Variants in TENM2 observed in about 807,000 individuals in gnomAD.
The protein encoded by TENM2 is teneurin-2.
TENM2 carries 52 observed loss-of-function variants against 245.2 expected under a neutral mutation model. The observed-to-expected ratio is 0.21, with a 90% CI of 0.17 to 0.27. TENM2 has a LOEUF of 0.27. Ranked by LOEUF, TENM2 falls within the 10% of genes least tolerant of loss-of-function variation. The pLI, the probability that TENM2 is intolerant of heterozygous loss-of-function variation, is 1.00. For missense variants in TENM2, 3,046 were observed against 3,666.8 expected (o/e 0.83, Z 4.37); for synonymous variants, 1,363 against 1,438.9 (o/e 0.95, Z 1.19).
chr5:167,176,495 T>C, the TENM2 span, among the ~76,000 whole-genome samples: 2 of 152,220 alleles, frequency 1.3e-5, no homozygotes, highest in African/African-American at 4.8e-5. Context: ...TTTGCAATTG[T>C]GATCTTATTT....
At chr5:167,098,186 A>G in the TENM2 span, among the ~76,000 whole-genome samples, 1 of 152,248 alleles carries the variant, frequency 6.6e-6, no homozygotes, top group African/African-American at 2.4e-5. Context: ...AGCAAGAATC[A>G]TGATAAATAA....
chr5:167,046,136 G>A, the TENM2 span, among the ~76,000 whole-genome samples: 1 of 151,460 alleles, frequency 6.6e-6, no homozygotes, highest in African/African-American at 2.4e-5. Flanking sequence ...GAACTCACGG[G>A]AAAAAAAAGG....
chr5:167,678,706 C>G (rs1181044124), intron 2 of TENM2, among the ~76,000 whole-genome samples: 7 of 152,108 alleles, frequency 4.6e-5, no homozygotes, highest in Middle Eastern at 6.8e-3. Flanking sequence ...ACCCTTGGTG[C>G]CAATCAGGCC....
chr5:167,853,097 T>C (rs1162292830), intron 2 of TENM2, among the ~76,000 whole-genome samples: 1 of 151,292 alleles, frequency 6.6e-6, no homozygotes, highest in Non-Finnish European at 1.5e-5. Flanking sequence ...CCATCCTGGC[T>C]AACACGGTGA....
intron 2 of TENM2, among the ~76,000 whole-genome samples, chr5:167,583,135 C>A (rs1226109816): frequency 6.6e-6 from 1 of 152,128 alleles, no homozygotes; most frequent in Non-Finnish European, 1.5e-5. Flanking sequence ...TCTTACACAC[C>A]ATTTTATGCA....
intron 2 of TENM2, among the ~76,000 whole-genome samples, chr5:167,559,198 C>A (rs1241659380): frequency 6.6e-6 from 1 of 152,214 alleles, no homozygotes; most frequent in African/African-American, 2.4e-5. Context: ...GTTGGTTGCA[C>A]TTCTCAGCGT....
At chr5:168,260,493 C>A in intron 28 of TENM2, 80 bp downstream of exon 30, 1 of 1,523,824 alleles carries the variant, frequency 6.6e-7, no homozygotes, top group South Asian at 1.2e-5. Flanking sequence ...GAGCCAGGGG[C>A]ATGTCAGCGC....
intron 2 of TENM2, among the ~76,000 whole-genome samples, chr5:167,481,524 A>G (rs972227881): frequency 3.4e-4 from 52 of 152,208 alleles, no homozygotes; most frequent in African/African-American, 1.2e-3. Flanking sequence ...CTGTAGCTGC[A>G]ACAGAGACCA....
chr5:167,098,835 G>A, the TENM2 span, among the ~76,000 whole-genome samples: 6 of 152,130 alleles, frequency 3.9e-5, no homozygotes, highest in African/African-American at 1.4e-4. Context: ...TATCAGCCTC[G>A]TGCATCAACT....
chr5:167,827,323 A>G (rs750423259), intron 2 of TENM2, among the ~76,000 whole-genome samples: 26 of 152,266 alleles, frequency 1.7e-4, no homozygotes, highest in Non-Finnish European at 1.3e-4. Context: ...GGGGGCAAGG[A>G]ACAATTATTG....
intron 2 of TENM2, among the ~76,000 whole-genome samples, chr5:167,674,354 A>T (rs1191136328): frequency 6.6e-6 from 1 of 152,058 alleles, no homozygotes; most frequent in African/African-American, 2.4e-5. Context: ...TTTATTCTTT[A>T]GGTGCTCACC....
At chr5:167,237,157 C>T in the TENM2 span, among the ~76,000 whole-genome samples, 283 of 152,196 alleles carry the variant, frequency 1.9e-3, no homozygotes, top group Middle Eastern at 3.4e-3. Context: ...AATTTTGATC[C>T]GCGCACCTGT....
At chr5:167,751,392 A>G (rs1317153768) in intron 2 of TENM2, among the ~76,000 whole-genome samples, 1 of 152,238 alleles carries the variant, frequency 6.6e-6, no homozygotes, top group Non-Finnish European at 1.5e-5. Context: ...TCACACTGCA[A>G]GATGGCATGA....
chr5:167,596,668 C>T (rs1161493861), intron 2 of TENM2, among the ~76,000 whole-genome samples: 1 of 151,626 alleles, frequency 6.6e-6, no homozygotes, highest in Non-Finnish European at 1.5e-5. Flanking sequence ...TGGTGGCAGG[C>T]GCCTGTAGTC....
the TENM2 span, among the ~76,000 whole-genome samples, chr5:167,190,211 G>C: frequency 3.3e-5 from 5 of 152,138 alleles, no homozygotes; most frequent in East Asian, 9.7e-4. Flanking sequence ...CATAATAATG[G>C]TTTCCCCAGT....
intron 2 of TENM2, among the ~76,000 whole-genome samples, chr5:167,823,928 T>A (rs770256409): frequency 3.3e-5 from 5 of 152,118 alleles, no homozygotes; most frequent in Admixed American, 6.5e-5. Context: ...CACACCCTAC[T>A]CTCAGGGCTA....
At position 167,911,320 on chromosome 5, in the gene TENM2, A is replaced by T. The variant is rs550170061; in HGVS notation, c.712+35125A>T. 1.3e-4 allele frequency among the ~76,000 whole-genome samples: 20 copies of T among 152,166 alleles called. 1 individual carries two copies. The highest frequency in any genetic ancestry group is 4.6e-4 in the African/African-American group (19 of 41,524). On this transcript the variant is annotated intron_variant, in intron 3 of 28. Transcript: ENST00000518659. ...GACGGACGGATCATGAGGTCAGGAG[A>T]TCGAGACCAACCTGGCTAACACGGT...
chr5:167,620,050 G>C (rs114579275), intron 2 of TENM2, among the ~76,000 whole-genome samples: 120 of 152,280 alleles, frequency 7.9e-4, no homozygotes, highest in African/African-American at 2.8e-3. Flanking sequence ...TGTATTTTAA[G>C]AGTAGGGTTG....
chr5:168,215,144 G>A, exon 21 of TENM2: 1 of 1,613,964 alleles, frequency 6.2e-7, no homozygotes, highest in Non-Finnish European at 8.5e-7. Context: ...AAGTCTCTGA[G>A]TGGAACCAAA....
Sources: allele counts gnomAD v4.1 joint callset (sites outside exome capture counted in the v4.1 genomes callset), GRCh38; gene constraint gnomAD v4.1.1; transcripts MANE v1.5; gene names NCBI Gene and HGNC (gene_info 2026-07-23, HGNC 2026-07-21).